The following GALNTL6 variants were observed in gnomAD, a reference collection of about 807,000 sequenced individuals.
GALNTL6 encodes the protein polypeptide N-acetylgalactosaminyltransferase-like 6.
In GALNTL6, 46 loss-of-function variants were observed where a neutral mutation model predicts 73.7. The observed-to-expected ratio is 0.62, with a 90% confidence interval of 0.49 to 0.80. The LOEUF is 0.80. GALNTL6 is among the 30% of genes least tolerant of loss of function. The pLI is 0.00. For synonymous variants in GALNTL6, 259 were observed against 263.7 expected, an observed-to-expected ratio of 0.98 and a Z score of 0.17; for missense variants, 604 against 755.0, an observed-to-expected ratio of 0.80 and a Z score of 2.34.
intron 2 of GALNTL6, among the ~76,000 whole-genome samples, chr4:171,931,582 A>G (rs875801): frequency 0.73 from 110,870 of 152,116 alleles, 41,340 homozygotes; most frequent in Admixed American, 0.84. Context: ...ATTAACGACT[A>G]AAAGTTCAAT....
At chr4:172,243,865 G>A (rs1474640949) in intron 3 of GALNTL6, among the ~76,000 whole-genome samples, 2 of 152,108 alleles carry the variant, frequency 1.3e-5, no homozygotes, top group African/African-American at 2.4e-5. Flanking sequence ...GCAGAAATGT[G>A]CACCATTTGG....
chr4:172,080,075 C>CT (rs1459680093), intron 2 of GALNTL6, among the ~76,000 whole-genome samples: 3 of 152,134 alleles, frequency 2.0e-5, no homozygotes, highest in Admixed American at 6.5e-5. Flanking sequence ...TTAGGCATGA[C>CT]TTTTTCCCCA....
intron 5 of GALNTL6, among the ~76,000 whole-genome samples, chr4:172,367,536 A>G (rs972150613): frequency 6.6e-6 from 1 of 152,126 alleles, no homozygotes; most frequent in South Asian, 2.1e-4. Flanking sequence ...GAATTTCTGC[A>G]TACAGTCTGT....
chr4:172,131,578 G>A (rs72700941), intron 2 of GALNTL6, among the ~76,000 whole-genome samples: 3,154 of 151,060 alleles, frequency 0.021, 34 homozygotes, highest in Non-Finnish European at 0.031. Flanking sequence ...TGGAATTCAT[G>A]CTGTCTGCTT....
chr4:172,156,549 A>ATATATATATATATATACATAC (rs1734286946), intron 2 of GALNTL6, among the ~76,000 whole-genome samples: 1 of 65,942 alleles, frequency 1.5e-5, no homozygotes, highest in Non-Finnish European at 3.4e-5. Context: ...TAATATATAT[A>ATATATATATATATATACATAC]TATATATATA....
intron 2 of GALNTL6, among the ~76,000 whole-genome samples, chr4:172,060,552 A>G (rs1467298723): frequency 2.0e-5 from 3 of 152,000 alleles, no homozygotes; most frequent in Non-Finnish European, 4.4e-5. Context: ...AAAATAAAAC[A>G]TTTTATTTCT....
chr4:172,011,856 A>C (rs1415116623), intron 2 of GALNTL6, among the ~76,000 whole-genome samples: 1 of 152,132 alleles, frequency 6.6e-6, no homozygotes, highest in African/African-American at 2.4e-5. Flanking sequence ...AGAAAGTATC[A>C]AGAATAGAGA....
At chr4:171,828,802 T>C (rs986580484) in intron 2 of GALNTL6, among the ~76,000 whole-genome samples, 1 of 152,084 alleles carries the variant, frequency 6.6e-6, no homozygotes, top group South Asian at 2.1e-4. Context: ...TTTGTATTTT[T>C]AGTTGAGACA....
intron 5 of GALNTL6, among the ~76,000 whole-genome samples, chr4:172,745,962 T>C: frequency 6.6e-6 from 1 of 152,090 alleles, no homozygotes; most frequent in East Asian, 1.9e-4. Context: ...TGGTTTTAAA[T>C]GTTATTACTG....
At chr4:172,288,336 C>T (rs899804193) in intron 3 of GALNTL6, among the ~76,000 whole-genome samples, 4 of 152,070 alleles carry the variant, frequency 2.6e-5, no homozygotes, top group African/African-American at 4.8e-5. Flanking sequence ...CGTGATCCGC[C>T]TGCCTCGGCC....
chr4:173,008,171 G>A (rs982439281), intron 10 of GALNTL6, among the ~76,000 whole-genome samples: 14 of 152,268 alleles, frequency 9.2e-5, no homozygotes, highest in Admixed American at 6.5e-4. Flanking sequence ...ACCATGTTCC[G>A]CACAGAACCA....
In GALNTL6 at chr4:171,814,530, A is replaced by T; in HGVS notation, c.-51A>T. 6.3e-7 allele frequency: 1 copy of T among 1,597,664 alleles called. No individual in the cohort carries two copies. ...AAGGAATTTGACATTAAACACAAGAAGCAGTCAGGGAGCCATCTCCTTTAA... is the reference window on the plus strand; with the variant it reads ...AAGGAATTTGACATTAAACACAAGATGCAGTCAGGGAGCCATCTCCTTTAA... On this transcript the variant is annotated 5_prime_UTR_variant, in exon 2 of 13. In the 5' UTR this introduces an upstream ATG that the reference lacks. Coordinates refer to ENST00000506823, the MANE Select transcript of GALNTL6 (RefSeq NM_001034845.3).
At chr4:172,775,696 T>G (rs191270327) in intron 5 of GALNTL6, among the ~76,000 whole-genome samples, 194 of 152,296 alleles carry the variant, frequency 1.3e-3, no homozygotes, top group African/African-American at 4.0e-3. Flanking sequence ...TTGTCTTCCT[T>G]TTGAATGCAG....
chr4:172,465,860 T>G (rs193006941), intron 5 of GALNTL6, among the ~76,000 whole-genome samples: 293 of 152,356 alleles, frequency 1.9e-3, no homozygotes, highest in Middle Eastern at 6.8e-3. Flanking sequence ...TTTAGAAATA[T>G]GTAATAATTT....
intron 5 of GALNTL6, among the ~76,000 whole-genome samples, chr4:172,764,539 A>G (rs1040078460): frequency 6.6e-6 from 1 of 152,008 alleles, no homozygotes; most frequent in African/African-American, 2.4e-5. Flanking sequence ...ACATAACCTA[A>G]TAATACATAG....
intron 5 of GALNTL6, among the ~76,000 whole-genome samples, chr4:172,767,667 C>CTTTTTTT (rs1553986523): frequency 5.9e-5 from 7 of 118,126 alleles, no homozygotes; most frequent in Non-Finnish European, 1.0e-4. Flanking sequence ...GATTTTTTTT[C>CTTTTTTT]TTTTTTTTTT....
intron 5 of GALNTL6, among the ~76,000 whole-genome samples, chr4:172,781,929 A>G (rs1261206048): frequency 1.3e-5 from 2 of 151,020 alleles, no homozygotes; most frequent in Non-Finnish European, 3.0e-5. Context: ...TTTAAATTAT[A>G]TATTTAAAAA....
chr4:172,784,593 T>G (rs2110908533), intron 5 of GALNTL6, among the ~76,000 whole-genome samples: 1 of 152,252 alleles, frequency 6.6e-6, no homozygotes, highest in South Asian at 2.1e-4. Flanking sequence ...CAGCCTATTA[T>G]TACTACCACA....
At chr4:171,997,538 T>A (rs1740529204) in intron 2 of GALNTL6, among the ~76,000 whole-genome samples, 1 of 152,106 alleles carries the variant, frequency 6.6e-6, no homozygotes, top group Admixed American at 6.6e-5. Context: ...ATGCAAAGCC[T>A]ATTTTATAAT....
Sources: gnomAD v4.1 joint callset for allele counts (sites outside exome capture counted in the v4.1 genomes callset) on GRCh38, gnomAD v4.1.1 for gene constraint, MANE v1.5 for transcripts, NCBI Gene and HGNC (gene_info 2026-07-23, HGNC 2026-07-21) for gene names.